NAV2: variants seen among roughly 807,000 people sequenced by gnomAD.
NAV2 encodes the protein helicase, APC down-regulated 1.
In NAV2, 54 loss-of-function variants were observed where a neutral mutation model predicts 223.2. The observed-to-expected ratio is 0.24, with a 90% CI of 0.19 to 0.30. The LOEUF (loss-of-function observed/expected upper bound fraction) is 0.30. Ranked by LOEUF, NAV2 falls within the 10% of genes least tolerant of loss-of-function variation. NAV2 has a pLI of 1.00. For synonymous variants in NAV2, 1,279 were observed against 1,239.3 expected, an observed-to-expected ratio of 1.03 and a Z score of -0.67; for missense variants, 2,806 against 3,147.5, an observed-to-expected ratio of 0.89 and a Z score of 2.60.
chr11:20,042,275 G>A (rs1252809739), intron 12 of NAV2, among the ~76,000 whole-genome samples: 5 of 152,170 alleles, frequency 3.3e-5, no homozygotes, highest in Admixed American at 6.5e-5. Flanking sequence ...GGCTGAGATC[G>A]GATAAGATAA....
intron 5 of NAV2, among the ~76,000 whole-genome samples, chr11:19,890,110 A>G (rs1304886438): frequency 1.3e-5 from 2 of 152,228 alleles, no homozygotes; most frequent in Non-Finnish European, 2.9e-5. Context: ...TCAGATTTAC[A>G]GCTATACCCA....
At chr11:19,546,991 C>A (rs1346611860) in intron 1 of NAV2, among the ~76,000 whole-genome samples, 1 of 152,194 alleles carries the variant, frequency 6.6e-6, no homozygotes, top group Non-Finnish European at 1.5e-5. Flanking sequence ...TCAGATGTAG[C>A]CTCTTTACTG....
chr11:19,730,946 G>A (rs2051722534), intron 1 of NAV2, among the ~76,000 whole-genome samples: 1 of 152,246 alleles, frequency 6.6e-6, no homozygotes, highest in African/African-American at 2.4e-5. Flanking sequence ...ATTTAAATAT[G>A]TAATAAATGA....
chr11:19,490,270 A>C (rs180861914), intron 1 of NAV2, among the ~76,000 whole-genome samples: 12 of 152,174 alleles, frequency 7.9e-5, no homozygotes, highest in East Asian at 1.9e-4. Flanking sequence ...TAAGTCAACA[A>C]TGAAGTTTGC....
intron 1 of NAV2, among the ~76,000 whole-genome samples, chr11:19,796,991 C>A (rs150546666): frequency 1.3e-5 from 2 of 152,072 alleles, no homozygotes; most frequent in African/African-American, 4.8e-5. Context: ...AGGCTGAGGC[C>A]GGGATATGAT....
intron 1 of NAV2, among the ~76,000 whole-genome samples, chr11:19,469,871 C>T (rs1013828167): frequency 2.0e-5 from 3 of 152,250 alleles, no homozygotes; most frequent in African/African-American, 7.2e-5. Context: ...GAACCCCTCA[C>T]TTTGCTCCTC....
intron 1 of NAV2, among the ~76,000 whole-genome samples, chr11:19,824,359 C>G (rs1183672009): frequency 6.6e-6 from 1 of 152,100 alleles, no homozygotes; most frequent in Admixed American, 6.5e-5. Flanking sequence ...CACAAATGTC[C>G]CAAGTAATAC....
intron 1 of NAV2, among the ~76,000 whole-genome samples, chr11:19,387,741 T>G (rs539433946): frequency 6.6e-6 from 1 of 152,292 alleles, no homozygotes; most frequent in African/African-American, 2.4e-5. Flanking sequence ...CTGTAGTCAT[T>G]TGTTTTCTTT....
At chr11:20,022,993 C>A in intron 11 of NAV2, 2 of 1,450,258 alleles carry the variant, frequency 1.4e-6, no homozygotes, top group South Asian at 1.3e-5. Flanking sequence ...TTGCTGGGTG[C>A]CTGGGATTCC....
At chr11:19,360,803 C>T (rs1461503518) in intron 1 of NAV2, among the ~76,000 whole-genome samples, 2 of 152,174 alleles carry the variant, frequency 1.3e-5, no homozygotes, top group South Asian at 2.1e-4. Flanking sequence ...GGAATCATCT[C>T]TTGAATGTTT....
At chr11:19,945,986 A>C (rs1201880085) in intron 8 of NAV2, among the ~76,000 whole-genome samples, 1 of 152,260 alleles carries the variant, frequency 6.6e-6, no homozygotes, top group African/African-American at 2.4e-5. Flanking sequence ...CTTGCACAGT[A>C]GGGCCTAAGA....
chr11:19,767,696 A>T (rs1336808407), intron 1 of NAV2, among the ~76,000 whole-genome samples: 1 of 152,260 alleles, frequency 6.6e-6, no homozygotes, highest in Non-Finnish European at 1.5e-5. Flanking sequence ...CATCATTATA[A>T]TCTGCATGTG....
Position 19,933,524 on chromosome 11 carries a change from G to A in NAV2, c.1280G>A (p.Cys427Tyr), listed in dbSNP as rs762490868. The A allele has an allele frequency of 1.9e-5, 30 of 1,610,216 alleles. No homozygotes were observed. Among genetic ancestry groups the A allele is most frequent in the Non-Finnish European group, 2.4e-5 (28 of 1,178,350 alleles). The change falls in exon 7 of 38, where the codon TGT (cysteine) becomes TAT (tyrosine). Residue 427 changes from cysteine (C) to tyrosine (Y), a missense_variant. Physicochemically the swap from Cys to Tyr is radical, Grantham distance 194. Coordinates refer to ENST00000349880, the MANE Select transcript of NAV2 (RefSeq NM_145117.5). This position sits in a 1 kb window ranked among gnomAD's most constrained non-coding sequence, Gnocchi z 4.3. ...GEGPGSRDTS[C>Y]ERLETLPSFE... ...GGGCCGGGGTCCCGGGACACAAGCT[G>A]TGAGCGGCTGGAGACTCTGCCCAGC...
At chr11:19,476,378 T>C (rs1182230594) in intron 1 of NAV2, among the ~76,000 whole-genome samples, 1 of 152,170 alleles carries the variant, frequency 6.6e-6, no homozygotes, top group Non-Finnish European at 1.5e-5. Flanking sequence ...GACTTTTTTT[T>C]TTCCCCTATA....
chr11:19,384,867 C>A (rs944187196), intron 1 of NAV2: 9 of 152,116 alleles, frequency 5.9e-5, no homozygotes, highest in Non-Finnish European at 8.8e-5. Flanking sequence ...GAGTTTGTCT[C>A]CAACTTGTAA....
chr11:20,017,205 T>G (rs1350696003), intron 11 of NAV2, among the ~76,000 whole-genome samples: 1 of 152,224 alleles, frequency 6.6e-6, no homozygotes, highest in Non-Finnish European at 1.5e-5. Flanking sequence ...ATTAATGGTT[T>G]GAGAGTTCTC....
At chr11:20,067,460 A>G (rs1201850570) in intron 20 of NAV2, among the ~76,000 whole-genome samples, 1 of 152,048 alleles carries the variant, frequency 6.6e-6, no homozygotes, top group African/African-American at 2.4e-5. Flanking sequence ...TGTCCCTAAT[A>G]TTGCATGGGA....
chr11:19,423,102 G>A (rs1850684969), intron 1 of NAV2, among the ~76,000 whole-genome samples: 1 of 152,198 alleles, frequency 6.6e-6, no homozygotes. Context: ...CTGACACACA[G>A]TAAATACTCA....
intron 1 of NAV2, among the ~76,000 whole-genome samples, chr11:19,760,892 A>G (rs2054684559): frequency 6.6e-6 from 1 of 151,312 alleles, no homozygotes; most frequent in Admixed American, 6.6e-5. Flanking sequence ...TGAATGAGTA[A>G]TTCTGTCCTG....
Sources: gnomAD v4.1 joint callset for allele counts (sites outside exome capture counted in the v4.1 genomes callset) on GRCh38, gnomAD v4.1.1 for gene constraint, Gnocchi (gnomAD v3.1) non-coding constraint, MANE v1.5 for transcripts, NCBI Gene and HGNC (gene_info 2026-07-23, HGNC 2026-07-21) for gene names.